RALGAPA2: variants seen among roughly 807,000 people sequenced by gnomAD.
RALGAPA2 encodes Ral GTPase activating protein catalytic subunit alpha 2.
In RALGAPA2, 139 loss-of-function variants were observed where a neutral mutation model predicts 230.4. The ratio of observed to expected loss-of-function variants is 0.60; its 90% CI spans 0.53 to 0.69. RALGAPA2 has a LOEUF of 0.69. Among genes scored for constraint, RALGAPA2 ranks in the 30% least tolerant of loss-of-function variants. The probability of loss-of-function intolerance (pLI) is 0.00; values close to 1 mark genes in which losing one functional copy is unlikely to be tolerated. For missense variants in RALGAPA2, 2,163 were observed against 2,276.0 expected (o/e 0.95, Z 1.01); for synonymous variants, 847 against 837.8 (o/e 1.01, Z -0.19).
chr20:20,559,628 T>C (rs1443580474), intron 23 of RALGAPA2, among the ~76,000 whole-genome samples: 2 of 152,290 alleles, frequency 1.3e-5, no homozygotes, highest in Admixed American at 6.5e-5. Context: ...TGATTTTTAA[T>C]GTACATATAA....
chr20:20,400,512 A>G (rs2059809933), intron 38 of RALGAPA2, among the ~76,000 whole-genome samples: 1 of 152,206 alleles, frequency 6.6e-6, no homozygotes, highest in South Asian at 2.1e-4. Flanking sequence ...CATGACTATA[A>G]TGTACTTGTG....
At chr20:20,702,042 TAA>T (rs1265561467) in intron 1 of RALGAPA2, among the ~76,000 whole-genome samples, 6 of 86,458 alleles carry the variant, frequency 6.9e-5, no homozygotes, top group Admixed American at 1.2e-4. Context: ...TCCATCTCAA[TAA>T]AAAAAAAAAA....
chr20:20,398,190 G>C lies in RALGAPA2; in HGVS notation c.5618-1456C>G, dbSNP rs1289277725. On this transcript the variant is annotated intron_variant, in intron 38 of 39. Transcript: ENST00000202677. The surrounding 1 kb of genome is among the most constrained non-coding windows in gnomAD (Gnocchi z 4.5). Reference sequence around the variant, plus strand: ...AGCACCATGCCACTGACACCCTCCAGTGTGAGCAAAGGGTCTCTTTATGAA... The same window carrying C: ...AGCACCATGCCACTGACACCCTCCACTGTGAGCAAAGGGTCTCTTTATGAA... Among the ~76,000 whole-genome samples the C allele has an allele frequency of 6.6e-6, 1 of 152,172 alleles. No individual in the cohort carries two copies. Among genetic ancestry groups the C allele is most frequent in the Non-Finnish European group, 1.5e-5 (1 of 68,020 alleles).
chr20:20,712,014 AG>A lies in RALGAPA2; in HGVS notation c.106+360del, dbSNP rs2069893778. On this transcript the variant is annotated intron_variant, in intron 1 of 39. Transcript: ENST00000202677. This position sits in a 1 kb window ranked among gnomAD's most constrained non-coding sequence, Gnocchi z 5.5. Reference sequence around the variant, plus strand: ...TCAAAAATAAAATTTTAAAAATGAAAGGGGGAGGTGACAGTTCAATGTGTGC... The same window carrying A: ...TCAAAAATAAAATTTTAAAAATGAAAGGGGAGGTGACAGTTCAATGTGTGC... 6.6e-6 allele frequency among the ~76,000 whole-genome samples: 1 copy of A among 152,054 alleles called. No individual in the cohort carries two copies. The highest frequency in any genetic ancestry group is 2.4e-5 in the African/African-American group (1 of 41,414).
intron 33 of RALGAPA2, 99 bp from the exon 34 acceptor site, chr20:20,505,633 C>T (rs1419168180): frequency 9.4e-7 from 1 of 1,068,590 alleles, no homozygotes; most frequent in Admixed American, 3.0e-5. Flanking sequence ...ACTGAGCTTA[C>T]ATTTACTGAG....
intron 37 of RALGAPA2, chr20:20,471,059 G>A (rs965259714): frequency 5.9e-5 from 9 of 152,096 alleles, no homozygotes; most frequent in African/African-American, 2.2e-4. Context: ...CCTAATTTCT[G>A]TACTACATTG....
At chr20:20,506,971 A>C (rs2062554506) in intron 33 of RALGAPA2, among the ~76,000 whole-genome samples, 1 of 152,264 alleles carries the variant, frequency 6.6e-6, no homozygotes. Context: ...AGAGAAGAAT[A>C]AAAATCACTT....
At chr20:20,538,788 T>A (rs1444582805) in intron 24 of RALGAPA2, among the ~76,000 whole-genome samples, 1 of 151,824 alleles carries the variant, frequency 6.6e-6, no homozygotes, top group Non-Finnish European at 1.5e-5. Context: ...GAGAGAGAAG[T>A]GATGACAGAG....
chr20:20,622,260 G>T (rs1377917116), intron 10 of RALGAPA2, among the ~76,000 whole-genome samples: 1 of 151,840 alleles, frequency 6.6e-6, no homozygotes, highest in African/African-American at 2.4e-5. Flanking sequence ...GACTGGAGAT[G>T]CAGAAAAAAA....
intron 16 of RALGAPA2, among the ~76,000 whole-genome samples, chr20:20,597,461 A>G (rs2065491327): frequency 6.6e-6 from 1 of 152,204 alleles, no homozygotes; most frequent in African/African-American, 2.4e-5. Flanking sequence ...TAAATTCTAT[A>G]AAGTAATATG....
intron 37 of RALGAPA2, among the ~76,000 whole-genome samples, chr20:20,441,224 T>C (rs537762641): frequency 1.3e-5 from 2 of 152,268 alleles, no homozygotes; most frequent in African/African-American, 4.8e-5. Context: ...TATTTTGGCA[T>C]GAATTTACAT....
At chr20:20,518,529 A>G (rs951169110) in intron 31 of RALGAPA2, among the ~76,000 whole-genome samples, 8 of 152,158 alleles carry the variant, frequency 5.3e-5, no homozygotes, top group African/African-American at 1.9e-4. Flanking sequence ...GCACACCAAT[A>G]TGTTTTTAAG....
chr20:20,590,826 T>A (rs187718757), intron 17 of RALGAPA2, among the ~76,000 whole-genome samples: 288 of 152,238 alleles, frequency 1.9e-3, no homozygotes, highest in South Asian at 8.5e-3. Flanking sequence ...CCATCCTGCC[T>A]CCCTGCCTTC....
rs575452794 is a variant in RALGAPA2 at position 20,598,629 on chromosome 20, C to T, written c.2203+3053G>A. ...AAAGGAAGCAATGCCCAGAGGCAAG[C>T]GGGAGAAGCCCAGGAACAGTGATGG... On this transcript the variant is annotated intron_variant, in intron 16 of 39. Transcript: ENST00000202677. 5.7e-4 allele frequency: 236 copies of T among 411,556 alleles called. 2 individuals carry two copies. The highest frequency in any genetic ancestry group is 4.3e-3 in the African/African-American group (208 of 48,484). The allele number at this position is 411,556 out of a possible 1,614,324, so 25.5% of individuals were successfully genotyped here.
chr20:20,420,797 G>A (rs866078506), intron 37 of RALGAPA2, among the ~76,000 whole-genome samples: 7 of 152,118 alleles, frequency 4.6e-5, no homozygotes, highest in African/African-American at 1.7e-4. Flanking sequence ...ATACACCCAC[G>A]GATGCGTTTT....
At chr20:20,511,400 AT>A in intron 32 of RALGAPA2, 75 bp from the exon 33 acceptor site, 3 of 1,496,324 alleles carry the variant, frequency 2.0e-6, no homozygotes, top group Non-Finnish European at 1.8e-6. Context: ...CAGTAATTTA[AT>A]AAAAATACCT....
rs61744820 is a variant in RALGAPA2, at chr20:20,520,931, A to C, written c.4070T>G (p.Leu1357Arg). ...YHSSAELGNL[L>R]TVEEEKKRRS... ...AGAATACTCACCCTCTTCAACAGTC[A>C]GCAGGTTACCCAATTCTGCTGATGA... Residue 1357 changes from leucine (L) to arginine (R), a missense_variant, in exon 31 of 40, where the codon CTG (leucine) becomes CGG (arginine). Leu to Arg is a moderately radical substitution (Grantham distance 102). Coordinates refer to ENST00000202677, the MANE Select transcript of RALGAPA2 (RefSeq NM_020343.4). The C allele has an allele frequency of 3.1e-4, 492 of 1,610,036 alleles. 1 individual carries two copies. Among genetic ancestry groups the C allele is most frequent in the Middle Eastern group, 1.2e-3 (7 of 6,068 alleles).
At chr20:20,654,212 A>T (rs990698217) in intron 3 of RALGAPA2, among the ~76,000 whole-genome samples, 1 of 152,128 alleles carries the variant, frequency 6.6e-6, no homozygotes, top group Non-Finnish European at 1.5e-5. Flanking sequence ...TCTTTGAGAC[A>T]AAGTCTCACT....
intron 30 of RALGAPA2, among the ~76,000 whole-genome samples, chr20:20,521,502 A>G (rs1409940976): frequency 2.0e-5 from 3 of 152,208 alleles, no homozygotes; most frequent in Non-Finnish European, 4.4e-5. Flanking sequence ...CGTCATAACC[A>G]GTAATGAGTT....
Sources: gnomAD v4.1 joint callset for allele counts (sites outside exome capture counted in the v4.1 genomes callset) on GRCh38, gnomAD v4.1.1 for gene constraint, Gnocchi (gnomAD v3.1) non-coding constraint, MANE v1.5 for transcripts, NCBI Gene and HGNC (gene_info 2026-07-23, HGNC 2026-07-21) for gene names.